Variants in SOBP observed in about 807,000 individuals in gnomAD.
SOBP encodes the protein sine oculis binding protein homolog, also known as sine oculis-binding protein homolog.
A neutral mutation model predicts 53.6 loss-of-function variants in SOBP; 4 were observed. That is an observed-to-expected ratio of 0.07 (90% CI 0.04 to 0.17). The LOEUF (loss-of-function observed/expected upper bound fraction) is 0.17, where lower values mean the gene tolerates loss of function less well. SOBP is among the 10% of genes least tolerant of loss of function. The pLI is 1.00. For missense variants in SOBP, 1,088 were observed against 1,204.7 expected (o/e 0.90, Z 1.43); for synonymous variants, 584 against 522.6 (o/e 1.12, Z -1.60).
At chr6:107,496,600 G>A (rs1470655361) in intron 1 of SOBP, among the ~76,000 whole-genome samples, 1 of 152,166 alleles carries the variant, frequency 6.6e-6, no homozygotes, top group African/African-American at 2.4e-5. Context: ...TTGTGGCTAA[G>A]AGCAATTCTG....
intron 1 of SOBP, among the ~76,000 whole-genome samples, chr6:107,500,875 A>AG (rs1434294188): frequency 6.6e-6 from 1 of 152,172 alleles, no homozygotes; most frequent in Non-Finnish European, 1.5e-5. Context: ...TCTTCATACA[A>AG]TAGTGTATAC....
chr6:107,490,797 C>A, intron 1 of SOBP, 85 bp downstream of exon 1: 1 of 1,040,930 alleles, frequency 9.6e-7, no homozygotes, highest in Non-Finnish European at 1.5e-6. Context: ...CTGGGGGGTA[C>A]CGGGGCGCGC....
At chr6:107,537,219 C>T (rs1164855650) in intron 4 of SOBP, among the ~76,000 whole-genome samples, 1 of 152,220 alleles carries the variant, frequency 6.6e-6, no homozygotes, top group African/African-American at 2.4e-5. Flanking sequence ...TGTCTTGTAA[C>T]CATTATCCCT....
chr6:107,552,623 A>G (rs1230820448), intron 4 of SOBP, among the ~76,000 whole-genome samples: 1 of 152,160 alleles, frequency 6.6e-6, no homozygotes, highest in African/African-American at 2.4e-5. Flanking sequence ...GTCAAATGAG[A>G]TGAATTCCAG....
chr6:107,533,802 C>G (rs891915949), intron 4 of SOBP, among the ~76,000 whole-genome samples, 192 bp downstream of exon 4: 1 of 152,164 alleles, frequency 6.6e-6, no homozygotes, highest in African/African-American at 2.4e-5. Context: ...ATGTGTTTCT[C>G]TTGGCTTAGT....
At chr6:107,618,863 T>C (rs1786900756) in intron 5 of SOBP, among the ~76,000 whole-genome samples, 2 of 152,250 alleles carry the variant, frequency 1.3e-5, no homozygotes, top group African/African-American at 4.8e-5. Flanking sequence ...GTGGGCTGCG[T>C]AGGGTAACTA....
At chr6:107,540,711 A>G (rs1784126680) in intron 4 of SOBP, among the ~76,000 whole-genome samples, 1 of 152,230 alleles carries the variant, frequency 6.6e-6, no homozygotes, top group Admixed American at 6.5e-5. Flanking sequence ...GTCTTTAACA[A>G]AGATAGTGAT....
intron 4 of SOBP, among the ~76,000 whole-genome samples, chr6:107,563,610 T>C (rs1784830581): frequency 6.6e-6 from 1 of 151,964 alleles, no homozygotes. Context: ...AAAGAAAGAT[T>C]ATAAATAGTG....
At chr6:107,588,224 A>G (rs1785627395) in intron 5 of SOBP, among the ~76,000 whole-genome samples, 2 of 152,186 alleles carry the variant, frequency 1.3e-5, no homozygotes, top group African/African-American at 4.8e-5. Context: ...CTGTTCATTA[A>G]AAACAAAGTG....
intron 3 of SOBP, among the ~76,000 whole-genome samples, chr6:107,521,909 A>AACACACACACACACAC (rs34004579): frequency 4.3e-5 from 6 of 139,278 alleles, no homozygotes; most frequent in African/African-American, 1.1e-4. Flanking sequence ...CAGACATTAA[A>AACACACACACACACAC]ACACACACAC....
At chr6:107,565,588 T>G (rs998147664) in intron 4 of SOBP, among the ~76,000 whole-genome samples, 8 of 152,064 alleles carry the variant, frequency 5.3e-5, no homozygotes, top group African/African-American at 1.9e-4. Context: ...AGGAAGTGAC[T>G]TGGACCTCTG....
intron 4 of SOBP, chr6:107,558,068 A>C (rs1252198463): frequency 6.6e-6 from 1 of 152,194 alleles, no homozygotes; most frequent in Non-Finnish European, 1.5e-5. Flanking sequence ...AAAAAATTAC[A>C]AAGTTAAATT....
At chr6:107,601,148 G>A (rs1252546154) in intron 5 of SOBP, among the ~76,000 whole-genome samples, 1 of 152,194 alleles carries the variant, frequency 6.6e-6, no homozygotes, top group Non-Finnish European at 1.5e-5. Flanking sequence ...TGTCTGGAAT[G>A]CGGCAGCATT....
chr6:107,587,687 T>C (rs1002427372), intron 5 of SOBP, among the ~76,000 whole-genome samples: 3 of 152,174 alleles, frequency 2.0e-5, no homozygotes, highest in Non-Finnish European at 4.4e-5. Flanking sequence ...GTCAAAGCAG[T>C]GACAGGGTGC....
chr6:107,562,030 C>CTTTTT (rs1213715418), intron 4 of SOBP, among the ~76,000 whole-genome samples: 1 of 130,644 alleles, frequency 7.7e-6, no homozygotes, highest in African/African-American at 2.8e-5. Flanking sequence ...CTCCCTGGTT[C>CTTTTT]TTTTTTTTTT....
At chr6:107,509,106 T>C (rs1775436573) in intron 3 of SOBP, among the ~76,000 whole-genome samples, 1 of 152,066 alleles carries the variant, frequency 6.6e-6, no homozygotes, top group African/African-American at 2.4e-5. Context: ...TAAGAAAATG[T>C]ATGTAAGGCC....
At chr6:107,503,618 G>T (rs1429408220) in intron 1 of SOBP, 39 bp from the exon 2 acceptor site, 2 of 1,610,178 alleles carry the variant, frequency 1.2e-6, no homozygotes, top group East Asian at 2.2e-5. Flanking sequence ...AGTAGTTATT[G>T]ATTATAGAAA....
intron 5 of SOBP, among the ~76,000 whole-genome samples, chr6:107,598,000 T>C (rs976807813): frequency 6.6e-6 from 1 of 152,198 alleles, no homozygotes; most frequent in South Asian, 2.1e-4. Context: ...GGTGTGTGTG[T>C]GTTACCCAGA....
chr6:107,643,838 A>G (rs1400542390), intron 6 of SOBP, among the ~76,000 whole-genome samples: 2 of 152,250 alleles, frequency 1.3e-5, no homozygotes, highest in Non-Finnish European at 1.5e-5. Context: ...GCATGCATTC[A>G]CATTCTTCTT....
Sources: allele counts gnomAD v4.1 joint callset (sites outside exome capture counted in the v4.1 genomes callset), GRCh38; gene constraint gnomAD v4.1.1; transcripts MANE v1.5; gene names NCBI Gene and HGNC (gene_info 2026-07-23, HGNC 2026-07-21).